CHMP6: variants seen among roughly 807,000 people sequenced by gnomAD.
The protein encoded by CHMP6 is charged multivesicular body protein 6.
CHMP6 carries 10 observed loss-of-function variants against 32.8 expected under a neutral mutation model. That is an observed-to-expected ratio of 0.30 (90% CI 0.19 to 0.52). The LOEUF (loss-of-function observed/expected upper bound fraction) is 0.52, where lower values mean the gene tolerates loss of function less well. Among genes scored for constraint, CHMP6 ranks in the 20% least tolerant of loss-of-function variants. The pLI, the probability that CHMP6 is intolerant of heterozygous loss-of-function variation, is 0.97. For synonymous variants in CHMP6, 123 were observed against 105.8 expected, an observed-to-expected ratio of 1.16 and a Z score of -1.00; for missense variants, 269 against 263.8, an observed-to-expected ratio of 1.02 and a Z score of -0.14.
At chr17:80,995,513 C>T (rs1395315612) in intron 3 of CHMP6, among the ~76,000 whole-genome samples, 159 bp from the exon 4 acceptor site, 1 of 152,194 alleles carries the variant, frequency 6.6e-6, no homozygotes, top group Non-Finnish European at 1.5e-5. Context: ...GCATCCCCAC[C>T]TGGCAGTGGG....
At chr17:80,997,214 G>T (rs763274704) in intron 5 of CHMP6, 47 bp from the exon 6 acceptor site, 23 of 1,610,662 alleles carry the variant, frequency 1.4e-5, no homozygotes, top group Non-Finnish European at 1.9e-5. Context: ...CTTCCTCCCT[G>T]AGGGGCCACC....
chr17:80,995,830 G>T (rs1206472144), intron 4 of CHMP6, 72 bp downstream of exon 4: 1 of 1,390,008 alleles, frequency 7.2e-7, no homozygotes. Context: ...ATAGGGCGGG[G>T]GGCTTGTCCC....
intron 1 of CHMP6, 79 bp downstream of exon 1, chr17:80,992,060 C>T: frequency 9.6e-7 from 1 of 1,043,166 alleles, no homozygotes; most frequent in Non-Finnish European, 1.2e-6. Context: ...CCGGAAGAGC[C>T]CCGCGCCCTC....
intron 1 of CHMP6, among the ~76,000 whole-genome samples, chr17:80,993,026 G>C (rs1363428767): frequency 6.6e-6 from 1 of 152,226 alleles, no homozygotes; most frequent in Admixed American, 6.5e-5. Flanking sequence ...CGAGCTGCCT[G>C]CAAGACAGCT....
chr17:80,997,101 C>A, intron 5 of CHMP6, 29 bp downstream of exon 5: 1 of 1,611,540 alleles, frequency 6.2e-7, no homozygotes. Flanking sequence ...GGCCTGCCCC[C>A]AACTGTGAGA....
intron 4 of CHMP6, among the ~76,000 whole-genome samples, chr17:80,996,543 G>C (rs555041231): frequency 3.3e-5 from 5 of 152,228 alleles, no homozygotes; most frequent in African/African-American, 1.2e-4. Flanking sequence ...TACTGGTGGT[G>C]TGTGCCGGTC....
chr17:80,994,684 G>A lies in CHMP6; in HGVS notation c.167G>A (p.Arg56Lys), dbSNP rs2069621459. 3 of 1,571,498 alleles carry A rather than the reference G, an allele frequency of 1.9e-6. No homozygotes were observed. Among genetic ancestry groups the A allele is most frequent in the Non-Finnish European group, 2.6e-6 (3 of 1,160,388 alleles). The change falls in exon 2 of 8, where the codon AGG becomes AAG. Residue 56 changes from arginine to lysine, a missense_variant. By Grantham distance (26) the Arg-to-Lys change is conservative. Coordinates refer to ENST00000325167, the MANE Select transcript of CHMP6 (RefSeq NM_024591.5). ...ALARQLLRDG[R>K]KERAKLLLKK... ...GCCCGGCAGCTGCTGCGGGACGGCAGGAAGGAGTGAGTGGGGCCCGGGCAG... is the reference window on the plus strand; with the variant it reads ...GCCCGGCAGCTGCTGCGGGACGGCAAGAAGGAGTGAGTGGGGCCCGGGCAG...
rs1216146545 is a variant in CHMP6 at position 80,999,645 on chromosome 17, C to T, written c.*492C>T. The T allele has an allele frequency of 1.3e-5, 2 of 158,230 alleles. No homozygotes were observed. The highest frequency in any genetic ancestry group is 2.8e-5 in the Non-Finnish European group (2 of 71,914). The allele number at this position is 158,230 out of a possible 1,614,324, so 9.8% of individuals were successfully genotyped here. On this transcript the variant is annotated 3_prime_UTR_variant, in exon 8 of 8. Coordinates refer to ENST00000325167, the MANE Select transcript of CHMP6 (RefSeq NM_024591.5). Reference sequence around the variant, plus strand: ...AGCTTCCCTGCTGGTGGGGGGATCCCCAGGAGACCAGCATGTGCTGAACCT... The same window carrying T: ...AGCTTCCCTGCTGGTGGGGGGATCCTCAGGAGACCAGCATGTGCTGAACCT...
intron 1 of CHMP6, among the ~76,000 whole-genome samples, chr17:80,992,557 G>A (rs1442748416): frequency 5.3e-5 from 8 of 152,320 alleles, no homozygotes; most frequent in Admixed American, 5.2e-4. Context: ...CGACAGGTGC[G>A]CCGAACGCCT....
chr17:80,995,110 G>A lies in CHMP6; in HGVS notation c.261+4G>A. 1 of 1,596,496 alleles carries A rather than the reference G, an allele frequency of 6.3e-7. No individual in the cohort carries two copies. The highest frequency in any genetic ancestry group is 1.3e-5 in the African/African-American group (1 of 74,970). On this transcript the variant is annotated splice_donor_region_variant and intron_variant, in intron 3 of 7. Coordinates refer to ENST00000325167, the MANE Select transcript of CHMP6 (RefSeq NM_024591.5). ...GATCAGCAGCCTGGAGGCCATGGTA[G>A]GCGGCCGGGTGCTTCGCCCTGGAGT...
Position 80,998,424 on chromosome 17 carries a change from T to A in CHMP6, c.550+4T>A. 1 of 1,614,196 alleles carries A rather than the reference T, an allele frequency of 6.2e-7. No homozygotes were observed. Among genetic ancestry groups the A allele is most frequent in the South Asian group, 1.1e-5 (1 of 91,090 alleles). Reference sequence around the variant, plus strand: ...CCCCTTCCTGAGAAGATCCCAGGTATTTCCATGTTTGATTCTTTTGAATGG... The same window carrying A: ...CCCCTTCCTGAGAAGATCCCAGGTAATTCCATGTTTGATTCTTTTGAATGG... On this transcript the variant is annotated splice_donor_region_variant and intron_variant, in intron 7 of 7. Coordinates refer to ENST00000325167, the MANE Select transcript of CHMP6 (RefSeq NM_024591.5).
chr17:80,994,485 A>T, intron 1 of CHMP6, 96 bp from the exon 2 acceptor site: 1 of 1,114,780 alleles, frequency 9.0e-7, no homozygotes, highest in Non-Finnish European at 1.3e-6. Context: ...AAGGACACTC[A>T]CGGAGGGCCG....
intron 3 of CHMP6, 32 bp downstream of exon 3, chr17:80,995,138 A>G: frequency 6.4e-7 from 1 of 1,574,300 alleles, no homozygotes; most frequent in South Asian, 1.2e-5. Flanking sequence ...CCTGGAGTGC[A>G]GGTGCAGCTG....
chr17:80,999,573 C>G lies in CHMP6; in HGVS notation c.*420C>G, dbSNP rs963972347. ...CGCTGCTCCCATTAGCTGGTGCAGGCTTCCGTTAAGGGGTCCCTCCCTTGG... is the reference window on the plus strand; with the variant it reads ...CGCTGCTCCCATTAGCTGGTGCAGGGTTCCGTTAAGGGGTCCCTCCCTTGG... On this transcript the variant is annotated 3_prime_UTR_variant, in exon 8 of 8. Coordinates refer to ENST00000325167, the MANE Select transcript of CHMP6 (RefSeq NM_024591.5). The G allele has an allele frequency of 4.6e-5, 8 of 172,100 alleles. No homozygotes were observed. The highest frequency in any genetic ancestry group is 1.9e-4 in the African/African-American group (8 of 41,928). The allele number at this position is 172,100 out of a possible 1,614,324, so 10.7% of individuals were successfully genotyped here.
intron 6 of CHMP6, among the ~76,000 whole-genome samples, chr17:80,997,608 C>T (rs1320012765): frequency 1.3e-5 from 2 of 152,150 alleles, no homozygotes; most frequent in African/African-American, 2.4e-5. Context: ...CTGTCCCCGG[C>T]TGTCACGGAT....
In CHMP6 at chr17:80,999,081, C is replaced by G; in HGVS notation, c.551-17C>G. 1 of 1,613,686 alleles carries G rather than the reference C, an allele frequency of 6.2e-7. No individual in the cohort carries two copies. Among genetic ancestry groups the G allele is most frequent in the Non-Finnish European group, 8.5e-7 (1 of 1,179,742 alleles). ...TGGGTCTTTGGCGTGTCATAAACAT[C>G]TCTGTTTCCTCCACAGAAAACGTCC... is the stretch of plus-strand genomic sequence containing the variant. On this transcript the variant is annotated splice_polypyrimidine_tract_variant and intron_variant, in intron 7 of 7. Coordinates refer to ENST00000325167, the MANE Select transcript of CHMP6 (RefSeq NM_024591.5).
intron 1 of CHMP6, among the ~76,000 whole-genome samples, chr17:80,993,919 CTT>C (rs923100082): frequency 6.8e-6 from 1 of 147,524 alleles, no homozygotes; most frequent in Non-Finnish European, 1.5e-5. Flanking sequence ...TGAGTCGGAA[CTT>C]TTTTTTTTTG....
intron 1 of CHMP6, among the ~76,000 whole-genome samples, chr17:80,993,385 G>A (rs1010284953): frequency 1.3e-5 from 2 of 152,148 alleles, no homozygotes; most frequent in African/African-American, 4.8e-5. Context: ...TTGGCCCCTG[G>A]GTCTCCCCAG....
rs1168163552 is a variant in CHMP6 at position 80,995,706 on chromosome 17, A to G, written c.296A>G (p.Lys99Arg). Residue 99 changes from lysine (K) to arginine (R), a missense_variant, in exon 4 of 8, where the codon AAA (lysine) becomes AGA (arginine). Lys to Arg is a conservative substitution (Grantham distance 26). Coordinates refer to ENST00000325167, the MANE Select transcript of CHMP6 (RefSeq NM_024591.5). ...ATTGAGTTCACCCAGATCGAAATGA[A>G]AGTGATGGAGGGGCTGCAGTTTGGA... ...QSIEFTQIEMKVMEGLQFGNE... is the reference protein window; with the variant it reads ...QSIEFTQIEMRVMEGLQFGNE... 6.2e-7 allele frequency: 1 copy of G among 1,613,942 alleles called. No homozygotes were observed. The highest frequency in any genetic ancestry group is 1.3e-5 in the African/African-American group (1 of 74,918).
Sources: gnomAD v4.1 joint callset for allele counts (sites outside exome capture counted in the v4.1 genomes callset) on GRCh38, gnomAD v4.1.1 for gene constraint, MANE v1.5 for transcripts, NCBI Gene and HGNC (gene_info 2026-07-23, HGNC 2026-07-21) for gene names.